Variants in IPO11 observed in about 807,000 individuals in gnomAD.
IPO11 encodes importin-11.
Under a neutral mutation model 143.2 loss-of-function variants are expected in IPO11, and 66 were observed. The observed-to-expected ratio is 0.46, with a 90% CI of 0.38 to 0.57. The LOEUF is 0.57. IPO11 is among the 20% of genes least tolerant of loss of function. IPO11 has a pLI of 0.00. For missense variants in IPO11, 1,026 were observed against 1,141.0 expected (o/e 0.90, Z 1.45); for synonymous variants, 385 against 377.8 (o/e 1.02, Z -0.22).
intron 27 of IPO11, among the ~76,000 whole-genome samples, chr5:62,565,713 CA>C (rs1364994158): frequency 5.3e-5 from 8 of 151,998 alleles, no homozygotes; most frequent in Non-Finnish European, 1.2e-4. Flanking sequence ...GGTTTCAGCC[CA>C]TCATCTGGGC....
intron 27 of IPO11, among the ~76,000 whole-genome samples, chr5:62,566,353 T>G (rs1244007566): frequency 6.6e-6 from 1 of 152,232 alleles, no homozygotes; most frequent in African/African-American, 2.4e-5. Flanking sequence ...TCATTGTGGT[T>G]CTGATTTGCA....
Position 62,437,305 on chromosome 5 carries a change from T to C in IPO11, c.26T>C (p.Val9Ala). ...ATGGATCTCAATAGTGCCAGCACTG[T>C]TGTTCTTCAGGTGTTAACACAGGCC... MDLNSAST[V>A]VLQVLTQATS... Residue 9 changes from valine (V) to alanine (A), a missense_variant, in exon 2 of 30, where the codon GTT becomes GCT. Transcript: ENST00000325324. 1.2e-6 allele frequency: 2 copies of C among 1,610,970 alleles called. No homozygotes were observed. Among genetic ancestry groups the C allele is most frequent in the Middle Eastern group, 1.7e-4 (1 of 6,050 alleles).
intron 1 of IPO11, among the ~76,000 whole-genome samples, chr5:62,416,715 C>CTTTTTTTTTTT (rs11295932): frequency 6.9e-6 from 1 of 144,138 alleles, no homozygotes. Flanking sequence ...CTCTTATTAT[C>CTTTTTTTTTTT]TTTTTTTTTT....
rs186423330 is a variant in IPO11 at position 62,505,546 on chromosome 5, A to G, written c.1665+648A>G. ...ATCTTGCTTTAATAAAATAATCACT[A>G]GACATTTTTGGATGAAAGAAATGTG... is the stretch of plus-strand genomic sequence containing the variant. On this transcript the variant is annotated intron_variant, in intron 18 of 29. Coordinates refer to ENST00000325324, the MANE Select transcript of IPO11 (RefSeq NM_016338.5). Among the ~76,000 whole-genome samples, 102 of 152,262 alleles carry G rather than the reference A, an allele frequency of 6.7e-4. 1 individual carries two copies. Among genetic ancestry groups the G allele is most frequent in the African/African-American group, 2.2e-3 (92 of 41,584 alleles).
intron 29 of IPO11, among the ~76,000 whole-genome samples, chr5:62,615,014 T>C (rs925292533): frequency 2.0e-5 from 3 of 152,190 alleles, no homozygotes; most frequent in African/African-American, 7.2e-5. Context: ...GGCGTTCTGA[T>C]GCTCCTCTTC....
intron 8 of IPO11, among the ~76,000 whole-genome samples, chr5:62,476,465 GAGTTC>G (rs1310025000): frequency 6.6e-6 from 1 of 152,154 alleles, no homozygotes; most frequent in Non-Finnish European, 1.5e-5. Context: ...CTATAAAAGT[GAGTTC>G]AGTTCATATA....
chr5:62,543,744 C>G (rs1743044962), intron 24 of IPO11, among the ~76,000 whole-genome samples: 1 of 152,086 alleles, frequency 6.6e-6, no homozygotes, highest in Non-Finnish European at 1.5e-5. Flanking sequence ...AATGTGTTTG[C>G]TCTTGCTTCT....
chr5:62,620,364 A>G (rs1460976979), intron 29 of IPO11, among the ~76,000 whole-genome samples: 1 of 152,060 alleles, frequency 6.6e-6, no homozygotes, highest in Non-Finnish European at 1.5e-5. Flanking sequence ...CTAAAAATAC[A>G]AAAAGTTAGC....
chr5:62,600,489 G>A (rs1745466784), intron 28 of IPO11, among the ~76,000 whole-genome samples: 1 of 152,210 alleles, frequency 6.6e-6, no homozygotes, highest in Admixed American at 6.5e-5. Context: ...ATTGCAGTTA[G>A]AATTCAGGTC....
intron 27 of IPO11, among the ~76,000 whole-genome samples, chr5:62,574,024 T>C (rs908586139): frequency 1.3e-5 from 2 of 152,224 alleles, no homozygotes; most frequent in African/African-American, 4.8e-5. Flanking sequence ...CCTTAAGGCA[T>C]CCCATTTTAT....
chr5:62,540,040 T>A (rs1173378864), intron 24 of IPO11, among the ~76,000 whole-genome samples: 1 of 152,220 alleles, frequency 6.6e-6, no homozygotes, highest in Non-Finnish European at 1.5e-5. Context: ...TTAACCTTTC[T>A]CCTCTATTAT....
At chr5:62,617,841 A>G (rs1333945346) in intron 29 of IPO11, among the ~76,000 whole-genome samples, 2 of 152,116 alleles carry the variant, frequency 1.3e-5, no homozygotes, top group Non-Finnish European at 2.9e-5. Context: ...TTGGTGCAAA[A>G]TTTATCTTAT....
chr5:62,522,029 T>C (rs1458780959), intron 20 of IPO11, among the ~76,000 whole-genome samples: 2 of 152,122 alleles, frequency 1.3e-5, no homozygotes, highest in Non-Finnish European at 2.9e-5. Context: ...TAGTTAGTTG[T>C]TTTGTTTTCT....
chr5:62,455,262 C>T (rs559134240), intron 5 of IPO11, among the ~76,000 whole-genome samples: 130 of 152,332 alleles, frequency 8.5e-4, no homozygotes, highest in African/African-American at 2.9e-3. Context: ...GGGCTCACGC[C>T]TGTAGTCCCA....
At chr5:62,476,595 A>G (rs1745964612) in intron 8 of IPO11, 88 bp from the exon 9 acceptor site, 1 of 1,338,410 alleles carries the variant, frequency 7.5e-7, no homozygotes, top group African/African-American at 1.5e-5. Flanking sequence ...GCAAAAATAA[A>G]ACCAGCAATA....
chr5:62,421,671 T>G (rs1321542282), intron 1 of IPO11, among the ~76,000 whole-genome samples: 1 of 152,184 alleles, frequency 6.6e-6, no homozygotes, highest in Non-Finnish European at 1.5e-5. Flanking sequence ...CTGATATGGG[T>G]GGCTCCAAGG....
At chr5:62,528,476 G>T (rs1415052275) in intron 21 of IPO11, among the ~76,000 whole-genome samples, 2 of 152,174 alleles carry the variant, frequency 1.3e-5, no homozygotes, top group African/African-American at 2.4e-5. Flanking sequence ...CAACTGGGTA[G>T]TGTGGGAAAT....
chr5:62,490,755 T>C lies in IPO11; in HGVS notation c.1463+535T>C, dbSNP rs546229982. Among the ~76,000 whole-genome samples the C allele has an allele frequency of 1.4e-4, 21 of 152,302 alleles. 1 individual carries two copies. In the South Asian group the frequency reaches 4.4e-3, roughly 32 times the overall value. ...TAATTTAGTACATTTAATAGCACAT[T>C]TGCCCAATTCTATTTTTTTTGAAAT... On this transcript the variant is annotated intron_variant, in intron 15 of 29. Coordinates refer to ENST00000325324, the MANE Select transcript of IPO11 (RefSeq NM_016338.5).
At position 62,628,088 on chromosome 5, in the gene IPO11, G is replaced by A. The variant is rs1017297608; in HGVS notation, c.*770G>A. The A allele has an allele frequency of 3.3e-5, 5 of 152,030 alleles. No individual in the cohort carries two copies. The highest frequency in any genetic ancestry group is 2.0e-4 in the Admixed American group (3 of 15,252). The allele number at this position is 152,030 out of a possible 1,614,324, so 9.4% of individuals were successfully genotyped here. On this transcript the variant is annotated 3_prime_UTR_variant, in exon 30 of 30. Transcript: ENST00000325324. ...TTCCTTTGTTACTCCTGTGAGCACCGAGAAGAACTGGGCGACTCCCAGTCC... is the reference window on the plus strand; with the variant it reads ...TTCCTTTGTTACTCCTGTGAGCACCAAGAAGAACTGGGCGACTCCCAGTCC...
Sources: gnomAD v4.1 joint callset for allele counts (sites outside exome capture counted in the v4.1 genomes callset) on GRCh38, gnomAD v4.1.1 for gene constraint, MANE v1.5 for transcripts, NCBI Gene and HGNC (gene_info 2026-07-23, HGNC 2026-07-21) for gene names.